MAPKAP1: variants seen among roughly 807,000 people sequenced by gnomAD.
MAPKAP1 encodes the protein target of rapamycin complex 2 subunit MAPKAP1.
MAPKAP1 carries 20 observed loss-of-function variants against 65.7 expected under a neutral mutation model. The ratio of observed to expected loss-of-function variants is 0.30; its 90% CI spans 0.21 to 0.44. The LOEUF (loss-of-function observed/expected upper bound fraction) is 0.44, where lower values mean the gene tolerates loss of function less well. Ranked by LOEUF, MAPKAP1 falls within the 20% of genes least tolerant of loss-of-function variation. The pLI, the probability that MAPKAP1 is intolerant of heterozygous loss-of-function variation, is 1.00. For missense variants in MAPKAP1, 423 were observed against 648.0 expected (o/e 0.65, Z 3.77); for synonymous variants, 222 against 244.3 (o/e 0.91, Z 0.85).
At chr9:125,577,590 C>A (rs1831468029) in intron 5 of MAPKAP1, among the ~76,000 whole-genome samples, 1 of 119,154 alleles carries the variant, frequency 8.4e-6, no homozygotes. Context: ...GCCCTGCCAG[C>A]CGCCCCGTCC....
chr9:125,509,560 C>A (rs1424450232), intron 7 of MAPKAP1, among the ~76,000 whole-genome samples: 1 of 152,130 alleles, frequency 6.6e-6, no homozygotes, highest in East Asian at 1.9e-4. Flanking sequence ...CATTCACATG[C>A]AGTAATTTAA....
chr9:125,473,571 T>C (rs914204518), intron 9 of MAPKAP1, among the ~76,000 whole-genome samples: 12 of 152,218 alleles, frequency 7.9e-5, no homozygotes. Context: ...TATACAGCTC[T>C]CTGGGGAAAC....
intron 7 of MAPKAP1, among the ~76,000 whole-genome samples, chr9:125,525,706 CA>C (rs72340047): frequency 0.033 from 3,294 of 100,788 alleles, 121 homozygotes; most frequent in African/African-American, 0.09. Context: ...CAAAAACAAA[CA>C]AAAAAAAAAA....
At position 125,438,738 on chromosome 9, in the gene MAPKAP1, C is replaced by T. The variant is rs1852375540; in HGVS notation, c.*149G>A. On this transcript the variant is annotated 3_prime_UTR_variant, in exon 12 of 12. Coordinates refer to ENST00000265960, the MANE Select transcript of MAPKAP1 (RefSeq NM_001006617.3). ...GCGCTCCCTCCTAGGGGGCCCCCGA[C>T]ACCTTCCCCGAGAGCCCACCTGCCC... 2 of 1,093,982 alleles carry T rather than the reference C, an allele frequency of 1.8e-6. No individual in the cohort carries two copies. Among genetic ancestry groups the T allele is most frequent in the African/African-American group, 1.6e-5 (1 of 63,454 alleles). The allele number at this position is 1,093,982 out of a possible 1,614,324, so 67.8% of individuals were successfully genotyped here. A position where few individuals can be genotyped will look rare whatever the true frequency, so the allele number is the denominator to read the frequency against.
chr9:125,451,940 G>C (rs1270869330), intron 10 of MAPKAP1, among the ~76,000 whole-genome samples: 1 of 151,782 alleles, frequency 6.6e-6, no homozygotes, highest in Non-Finnish European at 1.5e-5. Flanking sequence ...CTCCAGAGTA[G>C]CTGGGATTAC....
chr9:125,461,924 G>A (rs1473225372), intron 10 of MAPKAP1, among the ~76,000 whole-genome samples: 1 of 152,156 alleles, frequency 6.6e-6, no homozygotes, highest in Non-Finnish European at 1.5e-5. Context: ...CAGTGCACCA[G>A]CAGGGCTGTA....
chr9:125,441,052 G>C (rs771535303), intron 11 of MAPKAP1, among the ~76,000 whole-genome samples: 5 of 152,184 alleles, frequency 3.3e-5, no homozygotes, highest in Non-Finnish European at 7.4e-5. Context: ...AACGCCCTTT[G>C]CTCTGCCATT....
chr9:125,520,970 G>A (rs979043823), intron 7 of MAPKAP1, among the ~76,000 whole-genome samples: 1 of 152,126 alleles, frequency 6.6e-6, no homozygotes, highest in Non-Finnish European at 1.5e-5. Context: ...TCTTACCCAG[G>A]TCCATCTTCA....
chr9:125,500,289 G>A (rs909376611), intron 8 of MAPKAP1, among the ~76,000 whole-genome samples: 1 of 151,714 alleles, frequency 6.6e-6, no homozygotes, highest in Non-Finnish European at 1.5e-5. Context: ...CCGGGTTCAC[G>A]CCATTCTCCT....
intron 4 of MAPKAP1, among the ~76,000 whole-genome samples, chr9:125,636,970 T>A (rs915554037): frequency 7.2e-5 from 11 of 152,204 alleles, no homozygotes; most frequent in African/African-American, 2.7e-4. Flanking sequence ...AATATCTAAT[T>A]AAATTTATTG....
At chr9:125,680,303 C>CT (rs1384593290) in intron 1 of MAPKAP1, among the ~76,000 whole-genome samples, 1 of 152,038 alleles carries the variant, frequency 6.6e-6, no homozygotes, top group Non-Finnish European at 1.5e-5. Flanking sequence ...AACAGACCCT[C>CT]TTTTTTTATT....
intron 7 of MAPKAP1, among the ~76,000 whole-genome samples, chr9:125,513,830 G>C (rs544003081): frequency 6.6e-6 from 1 of 152,152 alleles, no homozygotes; most frequent in Non-Finnish European, 1.5e-5. Flanking sequence ...TCTTTCCCTC[G>C]TGTGTCCAAA....
At chr9:125,625,247 T>A (rs796722281) in intron 4 of MAPKAP1, among the ~76,000 whole-genome samples, 1,413 of 10,838 alleles carry the variant, frequency 0.13, 17 homozygotes, top group Non-Finnish European at 0.2. Context: ...AAAAAAAAAA[T>A]AAATAAATAA....
chr9:125,699,021 G>A (rs1413700971), intron 1 of MAPKAP1, among the ~76,000 whole-genome samples: 1 of 152,096 alleles, frequency 6.6e-6, no homozygotes, highest in Non-Finnish European at 1.5e-5. Context: ...AATGCCATTA[G>A]AGGTTGGCAT....
At chr9:125,698,314 T>TAAA (rs1238328593) in intron 1 of MAPKAP1, among the ~76,000 whole-genome samples, 1,443 of 56,306 alleles carry the variant, frequency 0.026, 42 homozygotes, top group Middle Eastern at 0.055. Flanking sequence ...TATATATATA[T>TAAA]ATATATATAT....
chr9:125,615,220 T>C (rs1832711466), intron 4 of MAPKAP1, among the ~76,000 whole-genome samples: 1 of 152,128 alleles, frequency 6.6e-6, no homozygotes, highest in Admixed American at 6.5e-5. Context: ...TATATATATA[T>C]ATGACTTCCA....
chr9:125,544,192 G>A (rs1015582003), intron 6 of MAPKAP1, among the ~76,000 whole-genome samples: 6 of 151,944 alleles, frequency 3.9e-5, no homozygotes, highest in South Asian at 2.1e-4. Context: ...TGTAGTTTTA[G>A]TAGAGATGGG....
intron 6 of MAPKAP1, among the ~76,000 whole-genome samples, chr9:125,551,446 C>T (rs1460549104): frequency 6.6e-6 from 1 of 152,138 alleles, no homozygotes; most frequent in Non-Finnish European, 1.5e-5. Context: ...TGGGAGCCTG[C>T]CCAAGGCAGC....
chr9:125,686,866 G>GC (rs1239300631), intron 1 of MAPKAP1, among the ~76,000 whole-genome samples: 1 of 149,158 alleles, frequency 6.7e-6, no homozygotes, highest in East Asian at 2.0e-4. Flanking sequence ...TTGATCTGTT[G>GC]CCCAGGCTGA....
Sources: allele counts gnomAD v4.1 joint callset (sites outside exome capture counted in the v4.1 genomes callset), GRCh38; gene constraint gnomAD v4.1.1; transcripts MANE v1.5; gene names NCBI Gene and HGNC (gene_info 2026-07-23, HGNC 2026-07-21).